Variants in PLCE1 observed in about 807,000 individuals in gnomAD.
PLCE1 encodes the protein 1-phosphatidylinositol 4,5-bisphosphate phosphodiesterase epsilon-1.
Under a neutral mutation model 242.8 loss-of-function variants are expected in PLCE1, and 119 were observed. The ratio of observed to expected loss-of-function variants is 0.49; its 90% CI spans 0.42 to 0.57. The LOEUF (loss-of-function observed/expected upper bound fraction) is 0.57, where lower values mean the gene tolerates loss of function less well. PLCE1 is among the 20% of genes least tolerant of loss of function. PLCE1 has a pLI of 0.00. For synonymous variants in PLCE1, 945 were observed against 1,017.4 expected, an observed-to-expected ratio of 0.93 and a Z score of 1.35; for missense variants, 2,441 against 2,788.8, an observed-to-expected ratio of 0.88 and a Z score of 2.81.
At chr10:94,217,099 T>A (rs572977749) in intron 4 of PLCE1, among the ~76,000 whole-genome samples, 1 of 151,094 alleles carries the variant, frequency 6.6e-6, no homozygotes, top group Admixed American at 6.6e-5. Context: ...AGCACAGGCT[T>A]TTGATTTGGC....
intron 2 of PLCE1, among the ~76,000 whole-genome samples, chr10:94,040,930 T>C (rs12771776): frequency 0.025 from 3,742 of 152,336 alleles, 69 homozygotes; most frequent in Non-Finnish European, 0.04. Context: ...ACTCATTCTT[T>C]TATGTATTGT....
At chr10:94,110,058 CTTT>C (rs33974566) in intron 2 of PLCE1, among the ~76,000 whole-genome samples, 249 of 75,880 alleles carry the variant, frequency 3.3e-3, no homozygotes, top group Non-Finnish European at 5.1e-3. Context: ...TTTCTTTTTT[CTTT>C]TTTTTTTTTT....
intron 3 of PLCE1, among the ~76,000 whole-genome samples, chr10:94,148,051 A>G (rs771435543): frequency 9.2e-5 from 14 of 152,194 alleles, no homozygotes; most frequent in Non-Finnish European, 2.1e-4. Context: ...GATCAACCAT[A>G]TAGAAACTGC....
rs1171042109 is a variant in PLCE1, at chr10:94,246,063, C to G, written c.2538C>G (p.Ile846Met). The change falls in exon 8 of 33, where the codon ATC becomes ATG. Residue 846 changes from isoleucine to methionine, a missense_variant. This residue lies in a region of PLCE1 where 733 missense variants were observed against 754.2 expected (regional missense o/e 0.97). Coordinates refer to ENST00000371380, the MANE Select transcript of PLCE1 (RefSeq NM_016341.4). ...CCTTCGACCATGGGACGGAGCTCATCCCTTGGTACGTGCTGTCCATCCAAG... is the reference window on the plus strand; with the variant it reads ...CCTTCGACCATGGGACGGAGCTCATGCCTTGGTACGTGCTGTCCATCCAAG... ...QKAFDHGTEL[I>M]PWYVLSIQAD... 2 of 1,614,012 alleles carry G rather than the reference C, an allele frequency of 1.2e-6. No individual in the cohort carries two copies. Among genetic ancestry groups the G allele is most frequent in the Admixed American group, 3.3e-5 (2 of 60,006 alleles).
intron 4 of PLCE1, among the ~76,000 whole-genome samples, chr10:94,189,006 A>T (rs1022540050): frequency 1.6e-4 from 24 of 150,860 alleles, no homozygotes; most frequent in African/African-American, 3.2e-4. Context: ...AGTAAAAAAA[A>T]AAAAAAAAAA....
rs923287856 is a variant in PLCE1, at chr10:94,085,364, A to C, written c.1207-46810A>C. 9.9e-5 allele frequency among the ~76,000 whole-genome samples: 15 copies of C among 152,140 alleles called. 1 individual carries two copies. The highest frequency in any genetic ancestry group is 2.1e-4 in the Non-Finnish European group (14 of 68,008). On this transcript the variant is annotated intron_variant, in intron 2 of 32. Coordinates refer to ENST00000371380, the MANE Select transcript of PLCE1 (RefSeq NM_016341.4). ...GAGGAGGAGGGGAGAATTGATGACCACAGAAGGCAGGAAAACCCTCTCTGG... is the reference window on the plus strand; with the variant it reads ...GAGGAGGAGGGGAGAATTGATGACCCCAGAAGGCAGGAAAACCCTCTCTGG...
At chr10:93,995,428 A>AT (rs1248852161) in intron 1 of PLCE1, among the ~76,000 whole-genome samples, 4 of 151,928 alleles carry the variant, frequency 2.6e-5, no homozygotes, top group African/African-American at 7.3e-5. Context: ...TTTCTGCAGC[A>AT]TTTTTTCTCC....
intron 27 of PLCE1, among the ~76,000 whole-genome samples, chr10:94,310,826 A>G (rs957681774): frequency 1.3e-5 from 2 of 152,128 alleles, no homozygotes; most frequent in East Asian, 1.9e-4. Flanking sequence ...AACACTATCC[A>G]TCTAGAGTTG....
rs187823068 is a variant in PLCE1 at position 94,263,550 on chromosome 10, G to A, written c.4053+818G>A. Among the ~76,000 whole-genome samples the A allele has an allele frequency of 2.2e-3, 325 of 150,994 alleles. 4 individuals carry two copies. The highest frequency in any genetic ancestry group is 2.1e-4 in the Non-Finnish European group (14 of 67,804). Reference sequence around the variant, plus strand: ...AAAAAAGAAAAAGAAAAATCAGCCAGGCATGGTGGTCCACGCTTATAATCC... The same window carrying A: ...AAAAAAGAAAAAGAAAAATCAGCCAAGCATGGTGGTCCACGCTTATAATCC... On this transcript the variant is annotated intron_variant, in intron 14 of 32. Coordinates refer to ENST00000371380, the MANE Select transcript of PLCE1 (RefSeq NM_016341.4).
intron 3 of PLCE1, among the ~76,000 whole-genome samples, chr10:94,133,289 A>G (rs1212951279): frequency 1.3e-5 from 2 of 152,204 alleles, no homozygotes; most frequent in African/African-American, 2.4e-5. Flanking sequence ...ATGAAAGCCA[A>G]TGGAGTGTGG....
chr10:94,003,953 C>T (rs2060985514), intron 1 of PLCE1, among the ~76,000 whole-genome samples: 1 of 152,060 alleles, frequency 6.6e-6, no homozygotes, highest in African/African-American at 2.4e-5. Context: ...CGAGACCAGC[C>T]TGGCCAAGAT....
At chr10:94,150,573 A>G (rs948097886) in intron 3 of PLCE1, among the ~76,000 whole-genome samples, 4 of 152,214 alleles carry the variant, frequency 2.6e-5, no homozygotes, top group African/African-American at 9.6e-5. Flanking sequence ...CATTTCTGCT[A>G]TCTTATCTGT....
chr10:94,268,800 G>T (rs1233288084), intron 16 of PLCE1, 129 bp from the exon 17 acceptor site: 5 of 688,516 alleles, frequency 7.3e-6, no homozygotes, highest in Non-Finnish European at 1.3e-5. Flanking sequence ...GTTTGTTTTA[G>T]ACCATTTGCC....
At chr10:94,043,175 G>A (rs1346048804) in intron 2 of PLCE1, among the ~76,000 whole-genome samples, 3 of 152,098 alleles carry the variant, frequency 2.0e-5, no homozygotes, top group African/African-American at 7.2e-5. Context: ...TGCTCTAAAG[G>A]ATTCAGAGTG....
chr10:94,255,914 A>ACACACTCT (rs1284531207), intron 11 of PLCE1, among the ~76,000 whole-genome samples: 53 of 67,330 alleles, frequency 7.9e-4, no homozygotes, highest in East Asian at 1.3e-3. Context: ...ACACACACAC[A>ACACACTCT]CTCTCTCTCT....
chr10:94,074,427 A>G (rs189769500), intron 2 of PLCE1, among the ~76,000 whole-genome samples: 174 of 151,936 alleles, frequency 1.1e-3, no homozygotes, highest in Admixed American at 2.8e-3. Flanking sequence ...CTGGTCTCAA[A>G]CTCCTGAGCT....
At chr10:94,117,629 A>G (rs2046174194) in intron 2 of PLCE1, among the ~76,000 whole-genome samples, 2 of 152,226 alleles carry the variant, frequency 1.3e-5, no homozygotes, top group South Asian at 4.1e-4. Context: ...TCACTAGATC[A>G]TGGTGGGTAT....
At chr10:94,283,990 C>T in intron 21 of PLCE1, 79 bp downstream of exon 21, 1 of 1,508,462 alleles carries the variant, frequency 6.6e-7, no homozygotes. Context: ...CCACTTGCTC[C>T]CTGTCCCTCC....
intron 2 of PLCE1, among the ~76,000 whole-genome samples, chr10:94,091,635 T>G (rs1411488612): frequency 6.6e-6 from 1 of 152,180 alleles, no homozygotes; most frequent in African/African-American, 2.4e-5. Flanking sequence ...CTTGAGATAG[T>G]TGGCAATGAA....
Sources: allele counts gnomAD v4.1 joint callset (sites outside exome capture counted in the v4.1 genomes callset), GRCh38; gene constraint gnomAD v4.1.1; regional missense constraint gnomAD v4.1.1; transcripts MANE v1.5; gene names NCBI Gene and HGNC (gene_info 2026-07-23, HGNC 2026-07-21).